SORT1: variants seen among roughly 807,000 people sequenced by gnomAD.
The protein encoded by SORT1 is sortilin.
SORT1 carries 39 observed loss-of-function variants against 101.7 expected under a neutral mutation model. The observed-to-expected ratio is 0.38, with a 90% CI of 0.30 to 0.50. SORT1 has a LOEUF of 0.50. Among genes scored for constraint, SORT1 ranks in the 20% least tolerant of loss-of-function variants. SORT1 has a pLI of 0.90. For missense variants in SORT1, 878 were observed against 1,040.4 expected (o/e 0.84, Z 2.15); for synonymous variants, 396 against 393.7 (o/e 1.01, Z -0.07).
At chr1:109,327,361 T>C (rs1648146507) in intron 12 of SORT1, 138 bp downstream of exon 12, 7 of 711,896 alleles carry the variant, frequency 9.8e-6, no homozygotes, top group Non-Finnish European at 1.6e-5. Flanking sequence ...AAAGTGTTGT[T>C]ATAATGTAAG....
chr1:109,359,133 T>C (rs1325687076), intron 3 of SORT1, among the ~76,000 whole-genome samples: 1 of 152,164 alleles, frequency 6.6e-6, no homozygotes, highest in Non-Finnish European at 1.5e-5. Context: ...AAGTCCAAGA[T>C]GAAGGTGCCA....
At chr1:109,375,412 G>A (rs765344373) in intron 1 of SORT1, among the ~76,000 whole-genome samples, 4 of 151,748 alleles carry the variant, frequency 2.6e-5, no homozygotes, top group Admixed American at 1.3e-4. Context: ...GCGAGGTGGC[G>A]GGCGCCTGTA....
At chr1:109,375,261 C>T (rs1304282710) in intron 1 of SORT1, among the ~76,000 whole-genome samples, 1 of 151,740 alleles carries the variant, frequency 6.6e-6, no homozygotes. Context: ...GGGCTGGAGA[C>T]AGAAAAAAAA....
At chr1:109,376,160 C>A (rs1651826419) in intron 1 of SORT1, among the ~76,000 whole-genome samples, 3 of 151,878 alleles carry the variant, frequency 2.0e-5, no homozygotes, top group African/African-American at 7.3e-5. Context: ...GAAACCCCGT[C>A]TCTACTAAAA....
At chr1:109,325,230 A>AAT in intron 13 of SORT1, 141 bp from the exon 14 acceptor site, 2 of 397,616 alleles carry the variant, frequency 5.0e-6, no homozygotes, top group Non-Finnish European at 4.3e-6. Flanking sequence ...AATTATTTTA[A>AAT]CTTTTTTTTT....
chr1:109,341,914 A>C (rs569777603), intron 9 of SORT1, 100 bp downstream of exon 9: 6 of 1,166,814 alleles, frequency 5.1e-6, no homozygotes, highest in East Asian at 2.3e-5. Context: ...GGCACTAATA[A>C]ATTTCTAGGG....
intron 9 of SORT1, 114 bp from the exon 10 acceptor site, chr1:109,340,993 T>C: frequency 1.3e-6 from 1 of 772,806 alleles, no homozygotes; most frequent in Non-Finnish European, 2.1e-6. Flanking sequence ...CAATTGTGTC[T>C]CTTCATGATG....
chr1:109,345,218 G>C (rs891125458), intron 8 of SORT1, among the ~76,000 whole-genome samples: 5 of 152,118 alleles, frequency 3.3e-5, no homozygotes, highest in Admixed American at 1.3e-4. Context: ...CCCAAACACT[G>C]GATCAAAATA....
At chr1:109,393,153 A>G in intron 1 of SORT1, 2 of 985,124 alleles carry the variant, frequency 2.0e-6, no homozygotes, top group African/African-American at 3.5e-5. Flanking sequence ...ACCCTGCCAG[A>G]GCCAGCAAAC....
chr1:109,369,506 T>C (rs1236962258), intron 2 of SORT1, 24 bp downstream of exon 2: 1 of 1,488,704 alleles, frequency 6.7e-7, no homozygotes, highest in African/African-American at 1.4e-5. Flanking sequence ...TGGGCTGAAA[T>C]AACAGACTCA....
At position 109,325,042 on chromosome 1, in the gene SORT1, C is replaced by T. The variant is rs183424691; in HGVS notation, c.1691G>A (p.Arg564Lys). ...TAGGCCAGTGAAATAGATGGGGTCC[C>T]TGGTGAACGTGTAGGTTTGCCAGCA... Reference protein sequence around the residue: ...GQCWQTYTFTRDPIYFTGLAS... With the variant: ...GQCWQTYTFTKDPIYFTGLAS... The change falls in exon 14 of 20, where the codon AGG becomes AAG. Residue 564 changes from arginine to lysine, a missense_variant. Arg to Lys is a conservative substitution (Grantham distance 26). Coordinates refer to ENST00000256637, the MANE Select transcript of SORT1 (RefSeq NM_002959.7). The T allele has an allele frequency of 4.9e-5, 79 of 1,613,790 alleles. 1 individual carries two copies. The Admixed American group carries it at 1.1e-3, about 22-fold the overall frequency.
At chr1:109,354,249 C>A in intron 5 of SORT1, 118 bp downstream of exon 5, 1 of 723,940 alleles carries the variant, frequency 1.4e-6, no homozygotes, top group South Asian at 2.4e-5. Context: ...TACTTCATGC[C>A]ATAAGGAGAC....
intron 1 of SORT1, among the ~76,000 whole-genome samples, chr1:109,375,732 AAG>A (rs1165079200): frequency 1.3e-5 from 2 of 152,074 alleles, no homozygotes; most frequent in Non-Finnish European, 2.9e-5. Context: ...ATCCACAAAA[AAG>A]ATGACATTAC....
At position 109,345,838 on chromosome 1, in the gene SORT1, C is replaced by T. The variant is rs750632864; in HGVS notation, c.876G>A (p.Leu292=). ...GALELWRTSD[L]GKSFKTIGVK... Reference sequence around the variant, plus strand: ...CACCAATAGTTTTGAAGCTTTTTCCCAAGTCTGAAGTTCTCCATAATTCCA... The same window carrying T: ...CACCAATAGTTTTGAAGCTTTTTCCTAAGTCTGAAGTTCTCCATAATTCCA... The change falls in exon 8 of 20, where the codon TTG becomes TTA. Residue 292 remains leucine, a synonymous_variant. Coordinates refer to ENST00000256637, the MANE Select transcript of SORT1 (RefSeq NM_002959.7). 6.2e-7 allele frequency: 1 copy of T among 1,613,412 alleles called. No homozygotes were observed. The highest frequency in any genetic ancestry group is 1.1e-5 in the South Asian group (1 of 91,040).
In SORT1 at chr1:109,397,756, G is replaced by C; in HGVS notation, c.137C>G (p.Pro46Arg). Residue 46 changes from proline (P) to arginine (R), a missense_variant, in exon 1 of 20, where the codon CCG becomes CGG. This residue lies in a region of SORT1 where 194 missense variants were observed against 145.9 expected (regional missense o/e 1.33). Coordinates refer to ENST00000256637, the MANE Select transcript of SORT1 (RefSeq NM_002959.7). The part of the protein sequence containing the change: ...RLDAPPPPAA[P>R]LPRWSGPIGV... Reference sequence around the variant, plus strand: ...GATGGGGCCAGACCAGCGCGGCAGCGGCGCAGCGGGCGGCGGCGGCGCGTC... The same window carrying C: ...GATGGGGCCAGACCAGCGCGGCAGCCGCGCAGCGGGCGGCGGCGGCGCGTC... The C allele has an allele frequency of 8.3e-7, 1 of 1,200,034 alleles. No individual in the cohort carries two copies. Among genetic ancestry groups the C allele is most frequent in the Non-Finnish European group, 1.0e-6 (1 of 967,318 alleles). 74.3% of individuals were successfully genotyped at this position (1,200,034 alleles called of 1,614,324 possible). A position where few individuals can be genotyped will look rare whatever the true frequency, so the allele number is the denominator to read the frequency against.
rs977354185 is a variant in SORT1 at position 109,310,616 on chromosome 1, G to A, written c.*3427C>T. 6.5e-6 allele frequency: 1 copy of A among 153,348 alleles called. No homozygotes were observed. Among genetic ancestry groups the A allele is most frequent in the Non-Finnish European group, 1.5e-5 (1 of 68,042 alleles). The allele number at this position is 153,348 out of a possible 1,614,324, so 9.5% of individuals were successfully genotyped here. On this transcript the variant is annotated 3_prime_UTR_variant, in exon 20 of 20. Transcript: ENST00000256637. Reference sequence around the variant, plus strand: ...TATTTTAGCACTTCCAAGTATCCTGGATGAATATAGGGGCGAGGGGCTACA... The same window carrying A: ...TATTTTAGCACTTCCAAGTATCCTGAATGAATATAGGGGCGAGGGGCTACA...
At position 109,313,977 on chromosome 1, in the gene SORT1, A is replaced by T; in HGVS notation, c.*66T>A. 1 of 1,483,380 alleles carries T rather than the reference A, an allele frequency of 6.7e-7. No individual in the cohort carries two copies. Among genetic ancestry groups the T allele is most frequent in the Non-Finnish European group, 9.3e-7 (1 of 1,070,976 alleles). 91.9% of individuals were successfully genotyped at this position (1,483,380 alleles called of 1,614,324 possible). On this transcript the variant is annotated 3_prime_UTR_variant, in exon 20 of 20. Transcript: ENST00000256637. ...TGGGAAATTTATTTCCTGAAGTTGG[A>T]GCCACAGGGAGTGTAAGAGGTACTG...
chr1:109,361,680 T>C (rs1369699128), intron 3 of SORT1, among the ~76,000 whole-genome samples: 2 of 152,178 alleles, frequency 1.3e-5, no homozygotes, highest in African/African-American at 2.4e-5. Flanking sequence ...TGTTTTGTGG[T>C]TTTTACTAAT....
chr1:109,320,151 C>G (rs1570888463), intron 15 of SORT1, among the ~76,000 whole-genome samples: 1 of 152,122 alleles, frequency 6.6e-6, no homozygotes, highest in Non-Finnish European at 1.5e-5. Context: ...CATTCTCTTA[C>G]TTTTTCTCTA....
Sources: gnomAD v4.1 joint callset for allele counts (sites outside exome capture counted in the v4.1 genomes callset) on GRCh38, gnomAD v4.1.1 for gene constraint, gnomAD v4.1.1 regional missense constraint, MANE v1.5 for transcripts, NCBI Gene and HGNC (gene_info 2026-07-23, HGNC 2026-07-21) for gene names.